The following HELQ variants were observed in gnomAD, a reference collection of about 807,000 sequenced individuals.
The protein encoded by HELQ is helicase, POLQ like.
Under a neutral mutation model 111.6 loss-of-function variants are expected in HELQ, and 77 were observed. The ratio of observed to expected loss-of-function variants is 0.69; its 90% CI spans 0.57 to 0.83. HELQ has a LOEUF of 0.83. HELQ is among the 40% of genes least tolerant of loss of function. The pLI, the probability that HELQ is intolerant of heterozygous loss-of-function variation, is 0.00. For missense variants in HELQ, 1,200 were observed against 1,288.5 expected, an observed-to-expected ratio of 0.93 and a Z score of 1.05; for synonymous variants, 438 against 454.7, an observed-to-expected ratio of 0.96 and a Z score of 0.47.
chr4:83,408,856 A>G (rs920282991), intron 17 of HELQ, among the ~76,000 whole-genome samples: 1 of 152,126 alleles, frequency 6.6e-6, no homozygotes, highest in Non-Finnish European at 1.5e-5. Flanking sequence ...AGCCTACCCA[A>G]ATATAAAAAT....
At chr4:83,437,209 A>G (rs1720506072) in intron 8 of HELQ, 112 bp from the exon 9 acceptor site, 1 of 1,009,316 alleles carries the variant, frequency 9.9e-7, no homozygotes, top group Non-Finnish European at 1.5e-6. Flanking sequence ...TACTATTTCC[A>G]TTGAGTTAAG....
chr4:83,427,527 C>T (rs373883408), intron 13 of HELQ, 36 bp downstream of exon 13: 27 of 1,439,100 alleles, frequency 1.9e-5, no homozygotes, highest in South Asian at 1.2e-4. Flanking sequence ...AATTCATAAA[C>T]GAAGTAGCCT....
intron 2 of HELQ, among the ~76,000 whole-genome samples, chr4:83,449,343 T>G (rs573979881): frequency 6.6e-6 from 1 of 152,350 alleles, no homozygotes; most frequent in Admixed American, 6.5e-5. Flanking sequence ...GGAGATTATA[T>G]AAGCTTCCCT....
intron 8 of HELQ, among the ~76,000 whole-genome samples, chr4:83,438,181 T>C (rs1055275927): frequency 1.4e-4 from 21 of 152,234 alleles, no homozygotes; most frequent in African/African-American, 5.1e-4. Flanking sequence ...AGAGGTTGAC[T>C]AGATTAGCAT....
Position 83,453,849 on chromosome 4 carries a change from G to A in HELQ, c.394C>T (p.Gln132Ter). The part of the protein sequence containing the change: ...QVDDLEQKYM[Q>*]LPEHKKHATD... ...GCATGTTTCTTATGTTCAGGGAGTT[G>A]CATATATTTTTGTTCCAGGTCGTCA... Residue 132 changes from glutamine (Q) to a stop codon, truncating the protein, a stop_gained, in exon 2 of 18, where the codon CAA becomes TAA. Transcript: ENST00000295488. LOFTEE classifies it high-confidence loss of function. 6.2e-7 allele frequency: 1 copy of A among 1,613,754 alleles called. No individual in the cohort carries two copies. Among genetic ancestry groups the A allele is most frequent in the Non-Finnish European group, 8.5e-7 (1 of 1,179,692 alleles).
At chr4:83,446,387 A>G (rs1445036400) in intron 4 of HELQ, among the ~76,000 whole-genome samples, 1 of 151,902 alleles carries the variant, frequency 6.6e-6, no homozygotes, top group Non-Finnish European at 1.5e-5. Flanking sequence ...GCTCACTGCA[A>G]CCTCCACCTC....
In HELQ at chr4:83,453,247, T is replaced by C. The variant is rs753039111; in HGVS notation, c.996A>G (p.Gly332=). The change falls in exon 2 of 18, where the codon GGA becomes GGG. Residue 332 remains glycine, a synonymous_variant. Transcript: ENST00000295488. ...AAGCATTACCATATAATTTTTCAAT[T>C]CCCTTGAATTGGGCATAAAGGTCTC... ...KVRDLYAQFK[G]IEKLYEWQHT... 2 of 1,599,100 alleles carry C rather than the reference T, an allele frequency of 1.3e-6. No individual in the cohort carries two copies. Among genetic ancestry groups the C allele is most frequent in the Non-Finnish European group, 1.7e-6 (2 of 1,175,640 alleles).
chr4:83,439,988 C>G lies in HELQ; in HGVS notation c.1683G>C (p.Lys561Asn). ...ATGCTACCAAGTGATCAGGATCCAT[C>G]TTTTTTAGGGTATCAGAATACTGCA... Reference protein sequence around the residue: ...LNYKYSDTLKKMDPDHLVALV... With the variant: ...LNYKYSDTLKNMDPDHLVALV... Residue 561 changes from lysine to asparagine, a missense_variant, in exon 8 of 18, where the codon AAG becomes AAC. Coordinates refer to ENST00000295488, the MANE Select transcript of HELQ (RefSeq NM_133636.5). The G allele has an allele frequency of 6.2e-7, 1 of 1,611,562 alleles. No homozygotes were observed. The highest frequency in any genetic ancestry group is 8.5e-7 in the Non-Finnish European group (1 of 1,178,962).
rs1016931402 is a variant in HELQ, at chr4:83,446,102, T to A, written c.1393-16A>T. The A allele has an allele frequency of 6.9e-6, 11 of 1,585,140 alleles. No individual in the cohort carries two copies. The highest frequency in any genetic ancestry group is 1.7e-4 in the Middle Eastern group (1 of 6,012). Reference sequence around the variant, plus strand: ...TCATGTGCAACTTCGAGATTTTTTTTAAAAAGGACAGAGAAGTAAATCTTC... The same window carrying A: ...TCATGTGCAACTTCGAGATTTTTTTAAAAAAGGACAGAGAAGTAAATCTTC... On this transcript the variant is annotated splice_polypyrimidine_tract_variant and intron_variant, in intron 4 of 17. Coordinates refer to ENST00000295488, the MANE Select transcript of HELQ (RefSeq NM_133636.5).
At chr4:83,445,503 A>G (rs916747677) in intron 5 of HELQ, among the ~76,000 whole-genome samples, 14 of 152,230 alleles carry the variant, frequency 9.2e-5, no homozygotes, top group African/African-American at 2.9e-4. Context: ...TAAATTTTTC[A>G]TAAACTTTAA....
rs1739696390 is a variant in HELQ, at chr4:83,421,726, T to C, written c.2786A>G (p.Lys929Arg). ...CAGATATAGCCTGTTGACAACGTTC[T>C]TGTCCACCTTCTAGAAAGACACAAT... is the stretch of plus-strand genomic sequence containing the variant. ...SGQAIGKKVD[K>R]NVVNRLYLSF... Residue 929 changes from lysine to arginine, a missense_variant, in exon 15 of 18, where the codon AAG becomes AGG. This residue lies in a region of HELQ where 585 missense variants were observed against 665.3 expected (regional missense o/e 0.88). Transcript: ENST00000295488. 6.2e-7 allele frequency: 1 copy of C among 1,612,626 alleles called. No individual in the cohort carries two copies. Among genetic ancestry groups the C allele is most frequent in the African/African-American group, 1.3e-5 (1 of 75,010 alleles).
At chr4:83,440,388 G>A (rs570263965) in intron 7 of HELQ, among the ~76,000 whole-genome samples, 11 of 151,900 alleles carry the variant, frequency 7.2e-5, no homozygotes, top group Non-Finnish European at 1.3e-4. Context: ...AATAGTTAAC[G>A]GACTGTGTAA....
In HELQ at chr4:83,429,561, A is replaced by T; in HGVS notation, c.2481T>A (p.Asn827Lys). The T allele has an allele frequency of 6.2e-7, 1 of 1,611,174 alleles. No individual in the cohort carries two copies. Among genetic ancestry groups the T allele is most frequent in the South Asian group, 1.1e-5 (1 of 90,762 alleles). The change falls in exon 12 of 18, where the codon AAT becomes AAA. Residue 827 changes from asparagine (N) to lysine (K), a missense_variant. By Grantham distance (94) the Asn-to-Lys change is moderately conservative (BLOSUM62 0). This residue lies in a region of HELQ where 585 missense variants were observed against 665.3 expected (regional missense o/e 0.88). Coordinates refer to ENST00000295488, the MANE Select transcript of HELQ (RefSeq NM_133636.5). ...CACGTCCCAACTTTGTAATATGAAA[A>T]TTATATTGGACCTCTTCTTCAGACT... ...IYKSEEEVQYNFHITKLGRAS... is the reference protein window; with the variant it reads ...IYKSEEEVQYKFHITKLGRAS...
chr4:83,439,612 CG>C (rs372670714), intron 8 of HELQ, among the ~76,000 whole-genome samples: 127 of 150,144 alleles, frequency 8.5e-4, no homozygotes, highest in African/African-American at 3.0e-3. Flanking sequence ...CCACCCACCT[CG>C]GCCTCCCAAA....
chr4:83,443,470 A>T, intron 6 of HELQ, 47 bp downstream of exon 6: 1 of 837,574 alleles, frequency 1.2e-6, no homozygotes, highest in Non-Finnish European at 1.9e-6. Context: ...TTTCTAAGTT[A>T]GATGAATACG....
Position 83,429,606 on chromosome 4 carries a change from T to C in HELQ, c.2436A>G (p.Leu812=). ...CAGACTTATAAATAGTGTCTTTTTG[T>C]AGGAGTCCTTTTTCTGTCAGGTATC... ...SLRYLTEKGL[L]QKDTIYKSEE... The change falls in exon 12 of 18, where the codon CTA becomes CTG. Residue 812 remains leucine (L), a synonymous_variant. Coordinates refer to ENST00000295488, the MANE Select transcript of HELQ (RefSeq NM_133636.5). The C allele has an allele frequency of 6.2e-7, 1 of 1,613,002 alleles. No homozygotes were observed.
chr4:83,424,717 A>G (rs897632608), intron 14 of HELQ, among the ~76,000 whole-genome samples: 3 of 151,918 alleles, frequency 2.0e-5, no homozygotes, highest in African/African-American at 7.3e-5. Context: ...ACCACCACAC[A>G]TAGCTAATTT....
chr4:83,437,750 G>A (rs1199166514), intron 8 of HELQ, among the ~76,000 whole-genome samples: 2 of 151,900 alleles, frequency 1.3e-5, no homozygotes, highest in African/African-American at 4.8e-5. Context: ...CCTTTGCTCT[G>A]GATGTTATAA....
intron 12 of HELQ, among the ~76,000 whole-genome samples, chr4:83,428,517 C>T (rs1035454066): frequency 1.1e-4 from 16 of 151,988 alleles, no homozygotes; most frequent in Admixed American, 3.3e-4. Flanking sequence ...GCTGAGATTG[C>T]GCCACTGCAT....
Sources: gnomAD v4.1 joint callset for allele counts (sites outside exome capture counted in the v4.1 genomes callset) on GRCh38, gnomAD v4.1.1 for gene constraint, gnomAD v4.1.1 regional missense constraint, MANE v1.5 for transcripts, NCBI Gene and HGNC (gene_info 2026-07-23, HGNC 2026-07-21) for gene names.